The following SDK1 variants were observed in gnomAD, a reference collection of about 807,000 sequenced individuals.
SDK1 encodes sidekick cell adhesion molecule 1, also known as protein sidekick-1.
A neutral mutation model predicts 245.5 loss-of-function variants in SDK1; 157 were observed. The ratio of observed to expected loss-of-function variants is 0.64; its 90% CI spans 0.56 to 0.73. The LOEUF is 0.73. Ranked by LOEUF, SDK1 falls within the 30% of genes least tolerant of loss-of-function variation. The pLI is 0.00. For missense variants in SDK1, 3,583 were observed against 3,002.3 expected, an observed-to-expected ratio of 1.19 and a Z score of -4.52; for synonymous variants, 1,647 against 1,278.5, an observed-to-expected ratio of 1.29 and a Z score of -6.15.
At chr7:3,707,067 T>A (rs889143396) in intron 4 of SDK1, among the ~76,000 whole-genome samples, 19 of 152,312 alleles carry the variant, frequency 1.2e-4, no homozygotes, top group African/African-American at 4.3e-4. Flanking sequence ...TTGCTCTGGA[T>A]CTTTGTTATT....
intron 22 of SDK1, among the ~76,000 whole-genome samples, chr7:4,090,708 T>C (rs1386315524): frequency 6.6e-6 from 1 of 152,144 alleles, no homozygotes; most frequent in Non-Finnish European, 1.5e-5. Context: ...CAGTGGAGAG[T>C]GGGATTTAGA....
intron 1 of SDK1, among the ~76,000 whole-genome samples, chr7:3,542,035 C>T (rs1025231370): frequency 1.3e-5 from 2 of 152,010 alleles, no homozygotes; most frequent in Non-Finnish European, 2.9e-5. Flanking sequence ...GCACATGTAC[C>T]CTCAAAATTA....
intron 1 of SDK1, among the ~76,000 whole-genome samples, chr7:3,437,438 C>G (rs1176797035): frequency 2.6e-5 from 4 of 152,098 alleles, no homozygotes; most frequent in Non-Finnish European, 4.4e-5. Context: ...TGAAAATTTA[C>G]AAACCAGTAA....
chr7:3,338,064 T>C (rs904186204), intron 1 of SDK1: 3 of 176,714 alleles, frequency 1.7e-5, no homozygotes, highest in African/African-American at 7.1e-5. Context: ...ATTTAAGACA[T>C]GCTTAAAAAG....
intron 5 of SDK1, among the ~76,000 whole-genome samples, chr7:3,938,210 C>G (rs1178944921): frequency 2.0e-5 from 3 of 152,178 alleles, no homozygotes; most frequent in Non-Finnish European, 2.9e-5. Context: ...CTTTAGAATT[C>G]TATTCAGAAG....
At chr7:3,459,676 C>T (rs933962056) in intron 1 of SDK1, among the ~76,000 whole-genome samples, 2 of 152,178 alleles carry the variant, frequency 1.3e-5, no homozygotes, top group Admixed American at 6.5e-5. Context: ...ATTGCTTCGT[C>T]GCATATTGTT....
At chr7:3,696,500 G>T (rs1411875698) in intron 4 of SDK1, among the ~76,000 whole-genome samples, 2 of 151,844 alleles carry the variant, frequency 1.3e-5, no homozygotes, top group African/African-American at 4.8e-5. Flanking sequence ...TCTGAGCCCA[G>T]GATTTGGTGA....
intron 2 of SDK1, among the ~76,000 whole-genome samples, chr7:3,630,529 G>C (rs950565218): frequency 6.6e-6 from 1 of 152,122 alleles, no homozygotes; most frequent in Non-Finnish European, 1.5e-5. Flanking sequence ...CCAGTTAGTT[G>C]GGAGGTTGAG....
rs940744284 is a variant in SDK1, at chr7:3,580,980, AAAAAAAAAAAAAAACCAAAAC to A, written c.299-38095_299-38075del. 3.0e-4 allele frequency among the ~76,000 whole-genome samples: 42 copies of A among 139,146 alleles called. 2 individuals carry two copies. Among genetic ancestry groups the A allele is most frequent in the African/African-American group, 1.1e-3 (41 of 37,500 alleles). 91.3% of individuals were successfully genotyped at this position (139,146 alleles called of 152,430 possible). On this transcript the variant is annotated intron_variant, in intron 1 of 44. Transcript: ENST00000404826. ...CAAGACTCCATCTCAAAAAAAAAAA[AAAAAAAAAAAAAAACCAAAAC>A]AAAACCCTGGAAGACAATCTATGCA...
At chr7:4,107,795 C>G (rs980422117) in intron 22 of SDK1, among the ~76,000 whole-genome samples, 3 of 152,228 alleles carry the variant, frequency 2.0e-5, no homozygotes, top group African/African-American at 7.2e-5. Flanking sequence ...GAAGCCTGAG[C>G]AGCTCGTCTT....
At chr7:3,438,928 C>T (rs1780110914) in intron 1 of SDK1, among the ~76,000 whole-genome samples, 1 of 149,622 alleles carries the variant, frequency 6.7e-6, no homozygotes, top group African/African-American at 2.5e-5. Context: ...TCTTGGCTCA[C>T]TGCAACCTCT....
At chr7:3,573,504 G>A (rs73037658) in intron 1 of SDK1, among the ~76,000 whole-genome samples, 2,218 of 152,202 alleles carry the variant, frequency 0.015, 52 homozygotes, top group South Asian at 0.024. Context: ...AACAGATGCA[G>A]CTGCCCCCTG....
At chr7:3,993,925 A>G (rs116925137) in intron 14 of SDK1, among the ~76,000 whole-genome samples, 1 of 152,296 alleles carries the variant, frequency 6.6e-6, no homozygotes, top group East Asian at 1.9e-4. Context: ...CTTCTCTGCA[A>G]GCAATGCTCT....
chr7:3,974,439 G>A lies in SDK1; in HGVS notation c.1888G>A (p.Gly630Arg), dbSNP rs1277316900. ...STSRIVVEKDGSLLISQTWSG... is the reference protein window; with the variant it reads ...STSRIVVEKDRSLLISQTWSG... ...GTCTAGGATCGTGGTGGAGAAGGAC[G>A]GGTCCCTTCTCATCAGCCAGACGTG... The change falls in exon 13 of 45, where the codon GGG (glycine) becomes AGG (arginine). Residue 630 changes from glycine (G) to arginine (R), a missense_variant. Gly to Arg is a moderately radical substitution (Grantham distance 125, BLOSUM62 -2). Transcript: ENST00000404826. 3.1e-6 allele frequency: 5 copies of A among 1,613,724 alleles called. No homozygotes were observed. The highest frequency in any genetic ancestry group is 4.2e-6 in the Non-Finnish European group (5 of 1,179,788).
chr7:3,934,470 A>AC (rs1780088683), intron 5 of SDK1, among the ~76,000 whole-genome samples: 1 of 152,256 alleles, frequency 6.6e-6, no homozygotes, highest in South Asian at 2.1e-4. Flanking sequence ...ACAGTCACAA[A>AC]CATCCCAGAG....
chr7:3,482,900 A>G (rs1781561697), intron 1 of SDK1, among the ~76,000 whole-genome samples: 1 of 152,216 alleles, frequency 6.6e-6, no homozygotes, highest in African/African-American at 2.4e-5. Flanking sequence ...GACACGTAAT[A>G]AGTGCTAAGT....
In SDK1 at chr7:4,149,357, TC is replaced by T; in HGVS notation, c.4524del (p.Ile1509SerfsTer35). 6.3e-7 allele frequency: 1 copy of T among 1,591,174 alleles called. No individual in the cohort carries two copies. On this transcript the variant is annotated frameshift_variant, in exon 30 of 45. Coordinates refer to ENST00000404826, the MANE Select transcript of SDK1 (RefSeq NM_152744.4). LOFTEE classifies it high-confidence loss of function. ...GTGGGTCCCGGGCAGCGACGGGGCC[TC>T]CCCCATCCGGTACTTCACCATGCAG... is the stretch of plus-strand genomic sequence containing the variant. ...LQWVPGSDGASPIRYFTMQVR... is the reference protein window; with the variant it reads ...LQWVPGSDGAXPIRYFTMQVR...
chr7:3,622,478 C>G (rs1781972117), intron 2 of SDK1, among the ~76,000 whole-genome samples: 1 of 152,136 alleles, frequency 6.6e-6, no homozygotes, highest in African/African-American at 2.4e-5. Flanking sequence ...GAGACTCCAT[C>G]TCCAAAAACA....
chr7:3,722,275 T>C (rs1437006248), intron 4 of SDK1, among the ~76,000 whole-genome samples: 1 of 152,138 alleles, frequency 6.6e-6, no homozygotes, highest in Middle Eastern at 3.2e-3. Context: ...CCACGTCCTA[T>C]GCCATAGCCA....
Sources: allele counts gnomAD v4.1 joint callset (sites outside exome capture counted in the v4.1 genomes callset), GRCh38; gene constraint gnomAD v4.1.1; transcripts MANE v1.5; gene names NCBI Gene and HGNC (gene_info 2026-07-23, HGNC 2026-07-21).